ATXN7: variants seen among roughly 807,000 people sequenced by gnomAD.
ATXN7 encodes ataxin-7.
Under a neutral mutation model 70.5 loss-of-function variants are expected in ATXN7, and 12 were observed. The ratio of observed to expected loss-of-function variants is 0.17; its 90% CI spans 0.11 to 0.28. The LOEUF (loss-of-function observed/expected upper bound fraction) is 0.28, where lower values mean the gene tolerates loss of function less well. Among genes scored for constraint, ATXN7 ranks in the 10% least tolerant of loss-of-function variants. The pLI is 1.00. For missense variants in ATXN7, 1,256 were observed against 1,131.7 expected (o/e 1.11, Z -1.58); for synonymous variants, 498 against 448.7 (o/e 1.11, Z -1.39).
chr3:63,880,153 G>A (rs1001298460), intron 1 of ATXN7, among the ~76,000 whole-genome samples: 1 of 152,068 alleles, frequency 6.6e-6, no homozygotes, highest in Non-Finnish European at 1.5e-5. Flanking sequence ...TAACTTTATT[G>A]AGTTTTGAGG....
Position 63,970,854 on chromosome 3 carries a change from G to A in ATXN7, c.500-9061G>A, listed in dbSNP as rs147496250. Among the ~76,000 whole-genome samples, 623 of 152,260 alleles carry A rather than the reference G, an allele frequency of 4.1e-3. 5 individuals carry two copies. The highest frequency in any genetic ancestry group is 0.014 in the African/African-American group (575 of 41,548). On this transcript the variant is annotated intron_variant, in intron 5 of 12. Coordinates refer to ENST00000674280, the MANE Select transcript of ATXN7 (RefSeq NM_001377405.1). ...TGCAGTGCGCGCTCTGCCCAGAGACGTGGAAATGCCAGGAGACCCGAATAC... is the reference window on the plus strand; with the variant it reads ...TGCAGTGCGCGCTCTGCCCAGAGACATGGAAATGCCAGGAGACCCGAATAC...
At chr3:63,982,840 A>G (rs576599802) in intron 7 of ATXN7, 99 bp from the exon 8 acceptor site, 105 of 923,064 alleles carry the variant, frequency 1.1e-4, no homozygotes, top group Admixed American at 1.7e-4. Flanking sequence ...TATTCCAGCT[A>G]TAATTTATCT....
At chr3:63,869,568 G>A (rs927825771) in intron 1 of ATXN7, among the ~76,000 whole-genome samples, 1 of 152,092 alleles carries the variant, frequency 6.6e-6, no homozygotes, top group Non-Finnish European at 1.5e-5. Context: ...GGGATTACAG[G>A]CATGTGCCAC....
rs1171215511 is a variant in ATXN7 at position 63,866,927 on chromosome 3, T to A, written c.-111+2769T>A. 2.6e-5 allele frequency: 4 copies of A among 151,904 alleles called. No individual in the cohort carries two copies. The East Asian group carries it at 7.7e-4, about 29-fold the overall frequency. The allele number at this position is 151,904 out of a possible 1,614,324, so 9.4% of individuals were successfully genotyped here. A position where few individuals can be genotyped will look rare whatever the true frequency, so the allele number is the denominator to read the frequency against. The stretch of plus-strand genomic sequence containing the variant: ...GACTTTGAACTTGTATGACCTTATA[T>A]TTATTGATTTATTTGAGTCATAAGA... On this transcript the variant is annotated intron_variant, in intron 1 of 12. Transcript: ENST00000674280.
intron 1 of ATXN7, among the ~76,000 whole-genome samples, chr3:63,879,429 ATTAAGG>A (rs1272507449): frequency 6.6e-6 from 1 of 151,824 alleles, no homozygotes; most frequent in African/African-American, 2.4e-5. Context: ...GTTTTTTATT[ATTAAGG>A]TTAAGGTGCA....
upstream of ATXN7, chr3:63,863,707 AG>A: frequency 8.0e-7 from 1 of 1,244,368 alleles, no homozygotes. Flanking sequence ...CCGGGAGGCC[AG>A]GGGTCTCAGG....
intron 4 of ATXN7, among the ~76,000 whole-genome samples, chr3:63,933,124 TC>T (rs1421365273): frequency 6.6e-6 from 1 of 152,128 alleles, no homozygotes; most frequent in Non-Finnish European, 1.5e-5. Flanking sequence ...CAAAGTGCCC[TC>T]CAAAAAGGCT....
At chr3:63,892,169 C>G (rs936664002) in intron 1 of ATXN7, among the ~76,000 whole-genome samples, 1 of 152,130 alleles carries the variant, frequency 6.6e-6, no homozygotes, top group Non-Finnish European at 1.5e-5. Flanking sequence ...CGCGTGCTAG[C>G]TGTTCATTTA....
intron 7 of ATXN7, 39 bp downstream of exon 7, chr3:63,982,484 A>G (rs1461595071): frequency 3.9e-5 from 58 of 1,505,480 alleles, no homozygotes; most frequent in Admixed American, 7.5e-5. Context: ...GCTTCTCTAT[A>G]TATTAAATGG....
intron 4 of ATXN7, among the ~76,000 whole-genome samples, chr3:63,918,228 C>T (rs144498609): frequency 6.6e-6 from 1 of 152,066 alleles, no homozygotes; most frequent in African/African-American, 2.4e-5. Context: ...AGTTGGATAG[C>T]CTCAGTAAAC....
intron 1 of ATXN7, among the ~76,000 whole-genome samples, chr3:63,886,981 A>G (rs1703104193): frequency 1.3e-5 from 2 of 152,104 alleles, no homozygotes; most frequent in Admixed American, 1.3e-4. Flanking sequence ...TTGCTGTCCT[A>G]GTTAATCAGA....
Position 63,892,495 on chromosome 3 carries a change from C to CCACA in ATXN7, c.-110-5888_-110-5885dup, listed in dbSNP as rs376915162. The stretch of plus-strand genomic sequence containing the variant: ...CACACACACACACACACACACACAC[C>CCACA]CACACACACACACACACACCCCAAC... On this transcript the variant is annotated intron_variant, in intron 1 of 12. Coordinates refer to ENST00000674280, the MANE Select transcript of ATXN7 (RefSeq NM_001377405.1). 1.7e-4 allele frequency among the ~76,000 whole-genome samples: 21 copies of CCACA among 126,850 alleles called. 1 individual carries two copies. Among genetic ancestry groups the CCACA allele is most frequent in the South Asian group, 7.5e-4 (3 of 3,982 alleles). The allele number at this position is 126,850 out of a possible 152,430, so 83.2% of individuals were successfully genotyped here.
At chr3:63,948,143 C>T (rs944352432) in intron 4 of ATXN7, among the ~76,000 whole-genome samples, 4 of 152,098 alleles carry the variant, frequency 2.6e-5, no homozygotes, top group African/African-American at 9.7e-5. Context: ...TGAAAGGGTG[C>T]TGGTGGCAGG....
At chr3:63,895,685 G>T (rs1703419747) in intron 1 of ATXN7, among the ~76,000 whole-genome samples, 2 of 152,016 alleles carry the variant, frequency 1.3e-5, no homozygotes, top group Admixed American at 1.3e-4. Flanking sequence ...CCCAGGCAGA[G>T]ATTCTCTCTC....
At chr3:63,981,553 T>C (rs188295425) in intron 6 of ATXN7, among the ~76,000 whole-genome samples, 2 of 152,368 alleles carry the variant, frequency 1.3e-5, no homozygotes, top group Admixed American at 1.3e-4. Context: ...TTCATATCTT[T>C]GTTAATGGCA....
Position 63,982,243 on chromosome 3 carries a change from G to A in ATXN7, c.810G>A (p.Leu270=). 1 of 1,614,132 alleles carries A rather than the reference G, an allele frequency of 6.2e-7. No individual in the cohort carries two copies. The highest frequency in any genetic ancestry group is 8.5e-7 in the Non-Finnish European group (1 of 1,180,020). The change falls in exon 7 of 13, where the codon CTG becomes CTA. Residue 270 remains leucine, a synonymous_variant. Coordinates refer to ENST00000674280, the MANE Select transcript of ATXN7 (RefSeq NM_001377405.1). The part of the protein sequence containing the change: ...KIHPKMDGTL[L]KSAVGPTCPA... ...ATCCGAAAATGGATGGCACACTACT[G>A]AAATCTGCGGTGGGGCCAACCTGTC...
At chr3:63,999,262 CCAG>C (rs1406861145) in intron 12 of ATXN7, 185 bp from the exon 13 acceptor site, 2 of 572,156 alleles carry the variant, frequency 3.5e-6, no homozygotes, top group African/African-American at 1.9e-5. Flanking sequence ...ATGATTGTGC[CCAG>C]TAGTAGTGAA....
intron 11 of ATXN7, among the ~76,000 whole-genome samples, chr3:63,993,402 A>G (rs1321893282): frequency 6.7e-6 from 1 of 150,208 alleles, no homozygotes; most frequent in South Asian, 2.1e-4. Context: ...GTGAGCCGAG[A>G]TCGCGCCACT....
chr3:63,982,379 C>G lies in ATXN7; in HGVS notation c.946C>G (p.Pro316Ala). The change falls in exon 7 of 13, where the codon CCC becomes GCC. Residue 316 changes from proline to alanine, a missense_variant. Pro to Ala is a conservative substitution (Grantham distance 27). Coordinates refer to ENST00000674280, the MANE Select transcript of ATXN7 (RefSeq NM_001377405.1). ...GAATGGCAAAGGGCTTCCTGCACCG[C>G]CCACTCTGGAAAAGAAACCTGAAGA... Reference protein sequence around the residue: ...ILNGKGLPAPPTLEKKPEDNS... With the variant: ...ILNGKGLPAPATLEKKPEDNS... 1 of 1,613,830 alleles carries G rather than the reference C, an allele frequency of 6.2e-7. No homozygotes were observed. The highest frequency in any genetic ancestry group is 1.1e-5 in the South Asian group (1 of 91,040).
Sources: allele counts gnomAD v4.1 joint callset (sites outside exome capture counted in the v4.1 genomes callset), GRCh38; gene constraint gnomAD v4.1.1; transcripts MANE v1.5; gene names NCBI Gene and HGNC (gene_info 2026-07-23, HGNC 2026-07-21).